NRG1: variants seen among roughly 807,000 people sequenced by gnomAD.
NRG1 encodes the protein neuregulin 1, also known as pro-neuregulin-1, membrane-bound isoform.
Under a neutral mutation model 63.8 loss-of-function variants are expected in NRG1, and 18 were observed. That is an observed-to-expected ratio of 0.28 (90% CI 0.19 to 0.42). The LOEUF is 0.42. Among genes scored for constraint, NRG1 ranks in the 10% least tolerant of loss-of-function variants. The probability of loss-of-function intolerance (pLI) is 1.00; values close to 1 mark genes in which losing one functional copy is unlikely to be tolerated. For missense variants in NRG1, 762 were observed against 814.7 expected, an observed-to-expected ratio of 0.94 and a Z score of 0.79; for synonymous variants, 302 against 301.3, an observed-to-expected ratio of 1.00 and a Z score of -0.02.
At chr8:31,791,972 G>A (rs1388277088) in intron 1 of NRG1, among the ~76,000 whole-genome samples, 3 of 152,158 alleles carry the variant, frequency 2.0e-5, no homozygotes, top group Non-Finnish European at 4.4e-5. Flanking sequence ...TCCTTGGTTG[G>A]CTCCAAGGAG....
At chr8:32,417,712 C>G (rs1816116328) in intron 1 of NRG1, among the ~76,000 whole-genome samples, 1 of 135,698 alleles carries the variant, frequency 7.4e-6, no homozygotes, top group African/African-American at 2.9e-5. Flanking sequence ...AAGATTTGTT[C>G]TAGTCACACG....
chr8:31,955,173 A>G (rs944283524), intron 1 of NRG1, among the ~76,000 whole-genome samples: 2 of 152,204 alleles, frequency 1.3e-5, no homozygotes, highest in African/African-American at 4.8e-5. Flanking sequence ...GTAATGGCAA[A>G]ACGGCAATTA....
intron 7 of NRG1, among the ~76,000 whole-genome samples, chr8:32,746,564 T>C (rs1317476545): frequency 6.6e-6 from 1 of 152,158 alleles, no homozygotes; most frequent in African/African-American, 2.4e-5. Flanking sequence ...CAAGCAATTA[T>C]AAAATCCTAA....
intron 1 of NRG1, among the ~76,000 whole-genome samples, chr8:32,261,679 C>G (rs1262236443): frequency 1.3e-5 from 2 of 152,026 alleles, no homozygotes; most frequent in Non-Finnish European, 2.9e-5. Flanking sequence ...ACCTCCACTC[C>G]CCCCTTGTAT....
intron 1 of NRG1, among the ~76,000 whole-genome samples, chr8:31,969,122 C>T (rs924663466): frequency 1.3e-5 from 2 of 152,124 alleles, no homozygotes; most frequent in Non-Finnish European, 2.9e-5. Flanking sequence ...CAGGAGTTTC[C>T]ACATCATCTG....
At chr8:32,062,261 T>C (rs2130920859) in intron 1 of NRG1, among the ~76,000 whole-genome samples, 1 of 152,202 alleles carries the variant, frequency 6.6e-6, no homozygotes, top group South Asian at 2.1e-4. Flanking sequence ...TGCTTCCTCA[T>C]GGGAAGAATG....
intron 1 of NRG1, among the ~76,000 whole-genome samples, chr8:32,342,227 G>A (rs12545122): frequency 0.52 from 79,005 of 152,026 alleles, 21,408 homozygotes; most frequent in Non-Finnish European, 0.61. Context: ...CCACTTTAAA[G>A]CATGGCAGCC....
chr8:32,170,452 C>T (rs1839909870), intron 1 of NRG1, among the ~76,000 whole-genome samples: 1 of 152,122 alleles, frequency 6.6e-6, no homozygotes, highest in Admixed American at 6.6e-5. Flanking sequence ...CAGCGAAGAC[C>T]AGGTGCCTGT....
At chr8:31,807,445 G>A (rs1430100581) in intron 1 of NRG1, among the ~76,000 whole-genome samples, 1 of 152,074 alleles carries the variant, frequency 6.6e-6, no homozygotes, top group Non-Finnish European at 1.5e-5. Context: ...TATATCCTGG[G>A]GGTATCACAG....
intron 1 of NRG1, chr8:32,061,544 G>A (rs1447981862): frequency 1.3e-5 from 2 of 151,904 alleles, no homozygotes; most frequent in Admixed American, 6.6e-5. Context: ...ATACTGGTTG[G>A]TTATGTGCAA....
intron 1 of NRG1, among the ~76,000 whole-genome samples, chr8:32,375,113 G>T (rs190438966): frequency 6.6e-6 from 1 of 151,898 alleles, no homozygotes; most frequent in Non-Finnish European, 1.5e-5. Context: ...CTCCTGAGTA[G>T]CTGGGACTAC....
intron 5 of NRG1, among the ~76,000 whole-genome samples, chr8:32,714,268 A>G (rs1388655096): frequency 6.6e-6 from 1 of 152,248 alleles, no homozygotes; most frequent in Non-Finnish European, 1.5e-5. Context: ...GAAAACAAAC[A>G]TACAAACAAA....
chr8:32,547,590 AACACACACACACACACACACAC>A (rs33943729), upstream of NRG1, among the ~76,000 whole-genome samples: 3 of 148,382 alleles, frequency 2.0e-5, no homozygotes, highest in Non-Finnish European at 4.5e-5. Flanking sequence ...GCACTTACTA[AACACACACACACACACACACAC>A]ACACACACAC....
chr8:31,886,522 A>T (rs1256529144), intron 1 of NRG1, among the ~76,000 whole-genome samples: 4 of 152,136 alleles, frequency 2.6e-5, no homozygotes. Flanking sequence ...CAGCAAAAAT[A>T]ATTTGGAACT....
chr8:32,665,382 A>G lies in NRG1; in HGVS notation c.502+48497A>G, dbSNP rs1335470007. ...TTCCCCTACAAAATTGTTGCTGTTA[A>G]TTTTTTCCTGTTTATTCATGGAGTA... On this transcript the variant is annotated intron_variant, in intron 5 of 11. Coordinates refer to ENST00000356819, the Ensembl canonical transcript of NRG1. Among the ~76,000 whole-genome samples, 6 of 152,066 alleles carry G rather than the reference A, an allele frequency of 3.9e-5. No individual in the cohort carries two copies. The South Asian group carries it at 1.0e-3, about 26-fold the overall frequency.
At chr8:32,514,112 C>T (rs970548477) in intron 1 of NRG1, among the ~76,000 whole-genome samples, 1 of 152,170 alleles carries the variant, frequency 6.6e-6, no homozygotes, top group African/African-American at 2.4e-5. Flanking sequence ...TTTGCCAAGA[C>T]TTGTCTGCAA....
chr8:32,173,015 G>A (rs1308492593), intron 1 of NRG1, among the ~76,000 whole-genome samples: 4 of 152,044 alleles, frequency 2.6e-5, no homozygotes, highest in Non-Finnish European at 5.9e-5. Flanking sequence ...CTCGAGAAGA[G>A]CAACTCCAAG....
At chr8:31,982,661 GAAC>G (rs1241362050) in intron 1 of NRG1, among the ~76,000 whole-genome samples, 1 of 152,090 alleles carries the variant, frequency 6.6e-6, no homozygotes, top group Non-Finnish European at 1.5e-5. Flanking sequence ...ATGGCAAAAG[GAAC>G]AACTGAATAA....
chr8:32,366,559 G>A (rs1395290932), intron 1 of NRG1, among the ~76,000 whole-genome samples: 1 of 150,780 alleles, frequency 6.6e-6, no homozygotes, highest in Non-Finnish European at 1.5e-5. Context: ...GTAATCCATT[G>A]TATGTATATA....
Sources: gnomAD v4.1 joint callset for allele counts (sites outside exome capture counted in the v4.1 genomes callset) on GRCh38, gnomAD v4.1.1 for gene constraint, MANE v1.5 for transcripts, NCBI Gene and HGNC (gene_info 2026-07-23, HGNC 2026-07-21) for gene names.